The following ULK4 variants were observed in gnomAD, a reference collection of about 807,000 sequenced individuals.
ULK4 encodes inactive serine/threonine-protein kinase ULK4.
ULK4 carries 133 observed loss-of-function variants against 160.6 expected under a neutral mutation model. The observed-to-expected ratio is 0.83, with a 90% CI of 0.72 to 0.96. The LOEUF (loss-of-function observed/expected upper bound fraction) is 0.96, where lower values mean the gene tolerates loss of function less well. ULK4 is among the 40% of genes least tolerant of loss of function. The pLI, the probability that ULK4 is intolerant of heterozygous loss-of-function variation, is 0.00. For missense variants in ULK4, 1,580 were observed against 1,499.5 expected, an observed-to-expected ratio of 1.05 and a Z score of -0.89; for synonymous variants, 534 against 539.8, an observed-to-expected ratio of 0.99 and a Z score of 0.15.
rs373172810 is a variant in ULK4 at position 41,835,979 on chromosome 3, G to GAAAAA, written c.1657-9_1657-8insTTTTT. On this transcript the variant is annotated splice_polypyrimidine_tract_variant and intron_variant, in intron 17 of 36. Coordinates refer to ENST00000301831, the MANE Select transcript of ULK4 (RefSeq NM_017886.4). ...AGTTAAGAGAACAATTGCCTGCAAA[G>GAAAAA]ACAAAAAAAAAAAAAGTAAATTATT... 2.2e-6 allele frequency: 3 copies of GAAAAA among 1,343,094 alleles called. No individual in the cohort carries two copies. Among genetic ancestry groups the GAAAAA allele is most frequent in the African/African-American group, 3.1e-5 (1 of 32,126 alleles). The allele number at this position is 1,343,094 out of a possible 1,614,324, so 83.2% of individuals were successfully genotyped here. A position where few individuals can be genotyped will look rare whatever the true frequency, so the allele number is the denominator to read the frequency against.
At chr3:41,598,840 TG>T (rs1290076336) in intron 31 of ULK4, among the ~76,000 whole-genome samples, 1 of 152,258 alleles carries the variant, frequency 6.6e-6, no homozygotes, top group Non-Finnish European at 1.5e-5. Context: ...ACAGACGTTG[TG>T]GCTTAAAACA....
chr3:41,559,614 C>G (rs2087479984), intron 32 of ULK4, among the ~76,000 whole-genome samples: 1 of 152,020 alleles, frequency 6.6e-6, no homozygotes, highest in Non-Finnish European at 1.5e-5. Context: ...ATTTGCATTT[C>G]TCTGATGGCC....
chr3:41,356,147 G>A (rs928519563), intron 35 of ULK4, among the ~76,000 whole-genome samples: 1 of 152,118 alleles, frequency 6.6e-6, no homozygotes, highest in African/African-American at 2.4e-5. Context: ...GAGAAGCCCT[G>A]TCCCCTGTGT....
intron 6 of ULK4, 65 bp downstream of exon 6, chr3:41,919,652 A>G: frequency 7.5e-7 from 1 of 1,340,934 alleles, no homozygotes; most frequent in South Asian, 1.2e-5. Context: ...AAACATCTGC[A>G]AAGTACAGAC....
intron 30 of ULK4, among the ~76,000 whole-genome samples, chr3:41,627,992 A>C (rs2033598715): frequency 1.3e-5 from 2 of 152,206 alleles, no homozygotes; most frequent in Admixed American, 1.3e-4. Flanking sequence ...AGAAATGCTA[A>C]GAAGTTTGGG....
intron 35 of ULK4, among the ~76,000 whole-genome samples, chr3:41,308,238 G>A (rs58437404): frequency 0.16 from 23,569 of 152,016 alleles, 2,191 homozygotes; most frequent in African/African-American, 0.25. Context: ...GTACACACAG[G>A]AGTGTGTCTC....
chr3:41,524,495 A>T (rs2086042401), intron 32 of ULK4, among the ~76,000 whole-genome samples: 1 of 152,208 alleles, frequency 6.6e-6, no homozygotes, highest in African/African-American at 2.4e-5. Flanking sequence ...GAAACCAGTC[A>T]GCACCACAAT....
chr3:41,246,853 G>A lies in ULK4; in HGVS notation c.*76C>T. 6 of 1,534,334 alleles carry A rather than the reference G, an allele frequency of 3.9e-6. No homozygotes were observed. Among genetic ancestry groups the A allele is most frequent in the Non-Finnish European group, 4.5e-6 (5 of 1,121,814 alleles). The stretch of plus-strand genomic sequence containing the variant: ...ACAGCTGTGAGGGGATGTGGCAAAG[G>A]TGTCTGGGAGCTGACCTTGCTTATG... On this transcript the variant is annotated 3_prime_UTR_variant, in exon 37 of 37. Coordinates refer to ENST00000301831, the MANE Select transcript of ULK4 (RefSeq NM_017886.4).
rs557447151 is a variant in ULK4, at chr3:41,484,688, A to G, written c.3227-21435T>C. 4.4e-3 allele frequency among the ~76,000 whole-genome samples: 664 copies of G among 151,932 alleles called. 5 individuals carry two copies. The highest frequency in any genetic ancestry group is 0.017 in the Middle Eastern group (5 of 294). ...AGGATGGTCTTGATCTCCTGACCTT[A>G]TGATCCGCCCACCTTGGCCTCCCAA... On this transcript the variant is annotated intron_variant, in intron 32 of 36. Coordinates refer to ENST00000301831, the MANE Select transcript of ULK4 (RefSeq NM_017886.4).
At chr3:41,253,465 G>A (rs1252319162) in intron 35 of ULK4, among the ~76,000 whole-genome samples, 1 of 151,410 alleles carries the variant, frequency 6.6e-6, no homozygotes, top group Admixed American at 6.6e-5. Flanking sequence ...AAAAAGTTAA[G>A]TATTTTATAA....
chr3:41,539,245 G>A (rs2125950429), intron 32 of ULK4, among the ~76,000 whole-genome samples: 2 of 152,076 alleles, frequency 1.3e-5, no homozygotes, highest in East Asian at 3.9e-4. Context: ...ATTTAATATT[G>A]CCATTATAGC....
intron 16 of ULK4, among the ~76,000 whole-genome samples, chr3:41,892,334 G>A (rs1697996306): frequency 6.6e-6 from 1 of 152,148 alleles, no homozygotes; most frequent in Non-Finnish European, 1.5e-5. Flanking sequence ...AATCAAAACT[G>A]TAAGATACTA....
intron 34 of ULK4, among the ~76,000 whole-genome samples, chr3:41,420,195 G>C (rs762457554): frequency 1.3e-5 from 2 of 151,824 alleles, no homozygotes; most frequent in Non-Finnish European, 2.9e-5. Flanking sequence ...TTGTAGGATC[G>C]TTTTTAATAC....
chr3:41,281,237 G>A (rs1297166193), intron 35 of ULK4, among the ~76,000 whole-genome samples: 1 of 152,136 alleles, frequency 6.6e-6, no homozygotes, highest in Non-Finnish European at 1.5e-5. Context: ...AGAGGAGCTG[G>A]TACCATTCCT....
At chr3:41,883,128 C>G (rs1180885379) in intron 17 of ULK4, among the ~76,000 whole-genome samples, 1 of 152,136 alleles carries the variant, frequency 6.6e-6, no homozygotes, top group Non-Finnish European at 1.5e-5. Context: ...CACTATAAGG[C>G]CAGCTGGGAT....
At chr3:41,537,080 T>C (rs1284610216) in intron 32 of ULK4, among the ~76,000 whole-genome samples, 2 of 152,234 alleles carry the variant, frequency 1.3e-5, no homozygotes, top group African/African-American at 2.4e-5. Context: ...CTGCCAATGG[T>C]TCAGAAGCAC....
At chr3:41,699,633 G>A (rs1001613978) in intron 27 of ULK4, among the ~76,000 whole-genome samples, 2 of 152,190 alleles carry the variant, frequency 1.3e-5, no homozygotes, top group Admixed American at 1.3e-4. Context: ...AAGAGCTCGT[G>A]CTCAGCAAGA....
intron 35 of ULK4, among the ~76,000 whole-genome samples, chr3:41,366,997 A>G (rs2081266807): frequency 6.6e-6 from 1 of 152,214 alleles, no homozygotes; most frequent in African/African-American, 2.4e-5. Flanking sequence ...CAATCCCTCT[A>G]CTGGGATTTA....
intron 29 of ULK4, among the ~76,000 whole-genome samples, chr3:41,670,928 C>T (rs2035517800): frequency 6.6e-6 from 1 of 151,930 alleles, no homozygotes. Flanking sequence ...GTTTACATTT[C>T]GGTAGTTTGT....
Sources: gnomAD v4.1 joint callset for allele counts (sites outside exome capture counted in the v4.1 genomes callset) on GRCh38, gnomAD v4.1.1 for gene constraint, MANE v1.5 for transcripts, NCBI Gene and HGNC (gene_info 2026-07-23, HGNC 2026-07-21) for gene names.